DNAH11: variants seen among roughly 807,000 people sequenced by gnomAD.
The protein encoded by DNAH11 is dynein axonemal heavy chain 11, also known as axonemal beta dynein heavy chain 11.
DNAH11 carries 442 observed loss-of-function variants against 526.0 expected under a neutral mutation model. That is an observed-to-expected ratio of 0.84 (90% confidence interval 0.78 to 0.91). The LOEUF is 0.91. Among genes scored for constraint, DNAH11 ranks in the 40% least tolerant of loss-of-function variants. DNAH11 has a pLI of 0.00. For synonymous variants in DNAH11, 2,461 were observed against 1,935.9 expected (o/e 1.27, Z -7.12); for missense variants, 6,989 against 5,448.7 (o/e 1.28, Z -8.90).
At chr7:21,708,115 A>G (rs147389768) in intron 40 of DNAH11, among the ~76,000 whole-genome samples, 10 of 152,222 alleles carry the variant, frequency 6.6e-5, no homozygotes, top group African/African-American at 2.4e-4. Flanking sequence ...GTCAACATGA[A>G]TGCCTCAGGA....
At chr7:21,819,045 A>G (rs1006468859) in intron 65 of DNAH11, among the ~76,000 whole-genome samples, 4 of 152,118 alleles carry the variant, frequency 2.6e-5, no homozygotes, top group African/African-American at 4.8e-5. Context: ...AGGTGCAGCA[A>G]TTGTGTCTTC....
At chr7:21,643,778 A>G (rs1202516476) in intron 28 of DNAH11, among the ~76,000 whole-genome samples, 2 of 152,220 alleles carry the variant, frequency 1.3e-5, no homozygotes, top group Non-Finnish European at 2.9e-5. Context: ...AATATAAAAT[A>G]CATACCTGGT....
In DNAH11 at chr7:21,571,895, C is replaced by A. The variant is rs773061951; in HGVS notation, c.1515C>A (p.His505Gln). 2.5e-6 allele frequency: 4 copies of A among 1,612,646 alleles called. No homozygotes were observed. The highest frequency in any genetic ancestry group is 3.4e-6 in the Non-Finnish European group (4 of 1,179,310). The change falls in exon 8 of 82, where the codon CAC (histidine) becomes CAA (glutamine). Residue 505 changes from histidine (H) to glutamine (Q), a missense_variant. Physicochemically the swap from His to Gln is conservative, Grantham distance 24. Transcript: ENST00000409508. ...TKGAILNGQVHEMSEELMELC... is the reference protein window; with the variant it reads ...TKGAILNGQVQEMSEELMELC... ...GAGCAATTTTAAATGGACAAGTCCA[C>A]GAGATGAGTGAAGAACTTATGGAAC... is the stretch of plus-strand genomic sequence containing the variant.
intron 25 of DNAH11, among the ~76,000 whole-genome samples, chr7:21,621,809 G>T: frequency 6.6e-6 from 1 of 152,052 alleles, no homozygotes; most frequent in Non-Finnish European, 1.5e-5. Context: ...GGTATTGATG[G>T]GACGTATCTC....
intron 74 of DNAH11, among the ~76,000 whole-genome samples, chr7:21,874,276 C>G (rs563844107): frequency 6.6e-6 from 1 of 151,618 alleles, no homozygotes; most frequent in African/African-American, 2.4e-5. Context: ...TCTATGACAC[C>G]TTATTTATAT....
intron 62 of DNAH11, among the ~76,000 whole-genome samples, chr7:21,804,257 C>T (rs1423608589): frequency 3.9e-5 from 6 of 151,974 alleles, no homozygotes; most frequent in East Asian, 1.9e-4. Flanking sequence ...TACAGGTGCC[C>T]GCCACCACAT....
chr7:21,564,858 T>G (rs568289885), intron 6 of DNAH11, among the ~76,000 whole-genome samples: 1 of 152,184 alleles, frequency 6.6e-6, no homozygotes, highest in African/African-American at 2.4e-5. Flanking sequence ...AAATCTCTTT[T>G]GTAATTGTGT....
At chr7:21,801,403 C>G (rs1169263030) in intron 62 of DNAH11, 128 bp downstream of exon 62, 41 of 1,282,824 alleles carry the variant, frequency 3.2e-5, no homozygotes, top group Non-Finnish European at 4.0e-5. Flanking sequence ...TTGATAATCA[C>G]TCATCCTGTG....
At chr7:21,825,700 A>G (rs1287740325) in intron 65 of DNAH11, among the ~76,000 whole-genome samples, 3 of 152,038 alleles carry the variant, frequency 2.0e-5, no homozygotes, top group African/African-American at 7.2e-5. Flanking sequence ...CAAATGCTTA[A>G]AAAGTGCTTT....
At chr7:21,793,646 C>CAGCTGTT (rs1047888112) in intron 61 of DNAH11, among the ~76,000 whole-genome samples, 1 of 150,812 alleles carries the variant, frequency 6.6e-6, no homozygotes, top group African/African-American at 2.4e-5. Flanking sequence ...TTGTATTCTG[C>CAGCTGTT]AGCTGTTAGA....
At chr7:21,844,712 A>G (rs1195501134) in intron 66 of DNAH11, among the ~76,000 whole-genome samples, 2 of 152,320 alleles carry the variant, frequency 1.3e-5, no homozygotes, top group East Asian at 3.9e-4. Flanking sequence ...GATCCCACTA[A>G]ATGAGAAACT....
chr7:21,625,673 TC>T, intron 25 of DNAH11, among the ~76,000 whole-genome samples: 1 of 152,106 alleles, frequency 6.6e-6, no homozygotes, highest in South Asian at 2.1e-4. Flanking sequence ...TTTGCTGCAT[TC>T]CGTAAGTTTT....
intron 49 of DNAH11, 150 bp from the exon 50 acceptor site, chr7:21,744,288 C>A: frequency 1.1e-6 from 1 of 912,136 alleles, no homozygotes; most frequent in South Asian, 1.7e-5. Context: ...AAGAGTAAAC[C>A]TACTTTTATA....
In DNAH11 at chr7:21,587,630, A is replaced by G. The variant is rs753293930; in HGVS notation, c.1711-434A>G. ...AGTCATGGTGACTGGCACATCTGGT[A>G]TAATTATTCATGCTGTGACCTAGAG... On this transcript the variant is annotated intron_variant, in intron 9 of 81. Coordinates refer to ENST00000409508, the MANE Select transcript of DNAH11 (RefSeq NM_001277115.2). 3.1e-4 allele frequency among the ~76,000 whole-genome samples: 47 copies of G among 152,250 alleles called. 1 individual carries two copies. Among genetic ancestry groups the G allele is most frequent in the Admixed American group, 7.9e-4 (12 of 15,284 alleles).
chr7:21,882,775 C>T (rs1196940933), intron 75 of DNAH11, among the ~76,000 whole-genome samples: 2 of 152,058 alleles, frequency 1.3e-5, no homozygotes, highest in African/African-American at 2.4e-5. Context: ...CCAGCCTGAG[C>T]AACAGAGTAA....
At chr7:21,787,380 A>T in intron 59 of DNAH11, 21 bp from the exon 60 acceptor site, 1 of 1,592,424 alleles carries the variant, frequency 6.3e-7, no homozygotes, top group East Asian at 2.3e-5. Context: ...GTTCATTGCA[A>T]TAAATCTTTT....
chr7:21,572,590 C>G (rs4645483), intron 8 of DNAH11, among the ~76,000 whole-genome samples: 6,726 of 152,156 alleles, frequency 0.044, 365 homozygotes, highest in East Asian at 0.29. Context: ...CCAAGAACAG[C>G]GAAGCCCAAG....
chr7:21,594,406 C>A (rs569519565), intron 14 of DNAH11, among the ~76,000 whole-genome samples: 2 of 152,120 alleles, frequency 1.3e-5, no homozygotes, highest in Non-Finnish European at 2.9e-5. Context: ...GCAGAGCAGA[C>A]AAAGTTCCTT....
intron 25 of DNAH11, among the ~76,000 whole-genome samples, chr7:21,628,670 G>A (rs111372491): frequency 8.5e-5 from 13 of 152,150 alleles, no homozygotes; most frequent in African/African-American, 2.4e-4. Context: ...AGTTTTTAAT[G>A]TATTGTTGAA....
Sources: allele counts gnomAD v4.1 joint callset (sites outside exome capture counted in the v4.1 genomes callset), GRCh38; gene constraint gnomAD v4.1.1; transcripts MANE v1.5; gene names NCBI Gene and HGNC (gene_info 2026-07-23, HGNC 2026-07-21).